ZNF536: variants seen among roughly 807,000 people sequenced by gnomAD.
ZNF536 encodes the protein zinc finger protein 536.
In ZNF536, 13 loss-of-function variants were observed where a neutral mutation model predicts 84.5. That is an observed-to-expected ratio of 0.15 (90% CI 0.10 to 0.24). The LOEUF is 0.24. Among genes scored for constraint, ZNF536 ranks in the 10% least tolerant of loss-of-function variants. The pLI is 1.00. For synonymous variants in ZNF536, 811 were observed against 742.5 expected (o/e 1.09, Z -1.50); for missense variants, 1,536 against 1,747.5 (o/e 0.88, Z 2.16).
At chr19:30,703,290 G>A (rs148879225) in intron 1 of ZNF536, among the ~76,000 whole-genome samples, 18 of 152,266 alleles carry the variant, frequency 1.2e-4, no homozygotes, top group Non-Finnish European at 2.6e-4. Flanking sequence ...ATGAGGAGGG[G>A]GGATGCTCAG....
chr19:30,296,401 T>C (rs1406828406), intron 2 of ZNF536, among the ~76,000 whole-genome samples: 1 of 152,252 alleles, frequency 6.6e-6, no homozygotes, highest in Non-Finnish European at 1.5e-5. Flanking sequence ...GATGTCACCA[T>C]GGCTGTCTCT....
intron 1 of ZNF536, among the ~76,000 whole-genome samples, chr19:30,609,550 G>A (rs1272691539): frequency 1.3e-5 from 2 of 152,200 alleles, no homozygotes; most frequent in Admixed American, 6.5e-5. Context: ...CCAAGAAGAT[G>A]TGGTAAAGAA....
At chr19:30,573,372 C>G (rs1284213929) in intron 1 of ZNF536, among the ~76,000 whole-genome samples, 4 of 152,204 alleles carry the variant, frequency 2.6e-5, no homozygotes, top group African/African-American at 9.7e-5. Context: ...CAGGCTCATT[C>G]TGCTACCCTG....
intron 1 of ZNF536, among the ~76,000 whole-genome samples, chr19:30,686,819 C>A (rs1284748189): frequency 6.6e-6 from 1 of 152,142 alleles, no homozygotes; most frequent in East Asian, 1.9e-4. Flanking sequence ...CATCTTTGTG[C>A]AACTCTCAGT....
intron 1 of ZNF536, among the ~76,000 whole-genome samples, chr19:30,269,942 GT>G (rs1180370952): frequency 6.6e-6 from 1 of 152,162 alleles, no homozygotes; most frequent in East Asian, 1.9e-4. Flanking sequence ...TCGTTACTGG[GT>G]TTTTGTTTTG....
At chr19:30,413,236 T>C (rs933870253) in intron 1 of ZNF536, among the ~76,000 whole-genome samples, 2 of 152,172 alleles carry the variant, frequency 1.3e-5, no homozygotes, top group South Asian at 2.1e-4. Flanking sequence ...GCTCTTATTT[T>C]TATGAATCCC....
intron 2 of ZNF536, among the ~76,000 whole-genome samples, chr19:30,518,122 G>T (rs1285966272): frequency 1.3e-5 from 2 of 152,028 alleles, no homozygotes; most frequent in Non-Finnish European, 2.9e-5. Context: ...TTGAACCCAG[G>T]GTGCAGAAGC....
At chr19:30,646,622 AT>A (rs2049480852) in intron 1 of ZNF536, among the ~76,000 whole-genome samples, 1 of 151,888 alleles carries the variant, frequency 6.6e-6, no homozygotes, top group Non-Finnish European at 1.5e-5. Flanking sequence ...CCTTCTAGAC[AT>A]TTTCTCCACC....
intron 3 of ZNF536, among the ~76,000 whole-genome samples, chr19:30,362,218 G>A (rs967475740): frequency 1.1e-4 from 16 of 152,196 alleles, no homozygotes; most frequent in Non-Finnish European, 1.5e-5. Flanking sequence ...CCCTGTCCAA[G>A]GGTTTTCAGA....
chr19:30,268,840 G>T (rs569118345), intron 1 of ZNF536, among the ~76,000 whole-genome samples: 1 of 152,250 alleles, frequency 6.6e-6, no homozygotes, highest in South Asian at 2.1e-4. Flanking sequence ...CCCCAATCTC[G>T]CTGGCCTTAG....
intron 2 of ZNF536, among the ~76,000 whole-genome samples, chr19:30,295,416 G>C (rs1359841125): frequency 6.6e-6 from 1 of 152,154 alleles, no homozygotes; most frequent in Non-Finnish European, 1.5e-5. Flanking sequence ...ACTTGGGCAG[G>C]TGTCAGAATT....
chr19:30,512,837 C>T (rs1356339919), intron 2 of ZNF536, among the ~76,000 whole-genome samples: 1 of 152,172 alleles, frequency 6.6e-6, no homozygotes, highest in Non-Finnish European at 1.5e-5. Context: ...AGAATGCAAG[C>T]CTCAGCAGTG....
chr19:30,452,837 C>T (rs564981246), intron 2 of ZNF536, among the ~76,000 whole-genome samples: 1 of 152,272 alleles, frequency 6.6e-6, no homozygotes, highest in Non-Finnish European at 1.5e-5. Context: ...CACCTCCCTT[C>T]GTCTTCCTCT....
At chr19:30,326,727 A>G (rs2047039165) in intron 2 of ZNF536, among the ~76,000 whole-genome samples, 1 of 147,958 alleles carries the variant, frequency 6.8e-6, no homozygotes, top group Admixed American at 6.8e-5. Context: ...GATTTGCTGT[A>G]CAAATGGCCC....
At chr19:30,383,146 TG>T (rs2049089231) in intron 1 of ZNF536, among the ~76,000 whole-genome samples, 1 of 151,916 alleles carries the variant, frequency 6.6e-6, no homozygotes, top group Admixed American at 6.6e-5. Context: ...AAAACTTAGC[TG>T]GGCATGGTGC....
chr19:30,401,152 A>C (rs552995478), intron 1 of ZNF536, among the ~76,000 whole-genome samples: 1 of 152,150 alleles, frequency 6.6e-6, no homozygotes, highest in East Asian at 1.9e-4. Flanking sequence ...TTGCTTTTGC[A>C]TCCTTGTCAA....
chr19:30,336,145 G>A (rs1369282080), intron 2 of ZNF536, among the ~76,000 whole-genome samples: 1 of 152,204 alleles, frequency 6.6e-6, no homozygotes, highest in African/African-American at 2.4e-5. Context: ...TCCTATGCTG[G>A]TTTAGGTTCC....
In ZNF536 at chr19:30,449,656, C is replaced by T. The variant is rs535030558; in HGVS notation, c.2170+3924C>T. On this transcript the variant is annotated intron_variant, in intron 2 of 4. Coordinates refer to ENST00000355537, the MANE Select transcript of ZNF536 (RefSeq NM_014717.3). The stretch of plus-strand genomic sequence containing the variant: ...TGACCCTCTGTTCATTAAATAAAGT[C>T]GGCTAAGTTACAGGATCAATGGAAA... 5.9e-5 allele frequency among the ~76,000 whole-genome samples: 9 copies of T among 152,226 alleles called. No homozygotes were observed. The South Asian group carries it at 1.5e-3, about 25-fold the overall frequency.
chr19:30,551,917 A>C (rs1372421545), intron 4 of ZNF536, among the ~76,000 whole-genome samples: 1 of 152,156 alleles, frequency 6.6e-6, no homozygotes, highest in Admixed American at 6.5e-5. Flanking sequence ...CTGGCCCACC[A>C]TAATTGCAGT....
Sources: gnomAD v4.1 joint callset for allele counts (sites outside exome capture counted in the v4.1 genomes callset) on GRCh38, gnomAD v4.1.1 for gene constraint, MANE v1.5 for transcripts, NCBI Gene and HGNC (gene_info 2026-07-23, HGNC 2026-07-21) for gene names.